The following GABRG3 variants were observed in gnomAD, a reference collection of about 807,000 sequenced individuals.
The protein encoded by GABRG3 is gamma-aminobutyric acid type A receptor subunit gamma3.
In GABRG3, 25 loss-of-function variants were observed where a neutral mutation model predicts 48.8. The observed-to-expected ratio is 0.51, with a 90% CI of 0.37 to 0.72. The LOEUF is 0.72. GABRG3 is among the 30% of genes least tolerant of loss of function. GABRG3 has a pLI of 0.00. For synonymous variants in GABRG3, 227 were observed against 217.6 expected (o/e 1.04, Z -0.38); for missense variants, 394 against 577.9 (o/e 0.68, Z 3.26).
chr15:27,003,402 A>C (rs1238595791), intron 2 of GABRG3, among the ~76,000 whole-genome samples: 1 of 151,142 alleles, frequency 6.6e-6, no homozygotes, highest in African/African-American at 2.4e-5. Flanking sequence ...TGGGTACTTG[A>C]GATTAGGGAG....
At chr15:27,389,492 G>C (rs1896156699) in intron 5 of GABRG3, among the ~76,000 whole-genome samples, 1 of 152,184 alleles carries the variant, frequency 6.6e-6, no homozygotes, top group Non-Finnish European at 1.5e-5. Flanking sequence ...GGTGAAATGG[G>C]TTATTTTGAT....
intron 5 of GABRG3, among the ~76,000 whole-genome samples, chr15:27,346,251 A>T (rs918033533): frequency 4.6e-5 from 7 of 151,978 alleles, no homozygotes; most frequent in Non-Finnish European, 1.0e-4. Flanking sequence ...TATTTCACTC[A>T]CTCTTCTTGC....
intron 5 of GABRG3, among the ~76,000 whole-genome samples, chr15:27,357,012 T>C (rs1045729271): frequency 6.6e-6 from 1 of 152,220 alleles, no homozygotes; most frequent in African/African-American, 2.4e-5. Context: ...ATTTTCATAA[T>C]AGAATGTCAT....
intron 5 of GABRG3, 53 bp from the exon 6 acceptor site, chr15:27,480,597 A>G (rs535880505): frequency 6.9e-7 from 1 of 1,454,870 alleles, no homozygotes; most frequent in Non-Finnish European, 9.4e-7. Flanking sequence ...TTTTCACTTT[A>G]ATGATTTATA....
chr15:27,207,659 G>C (rs1200734452), intron 3 of GABRG3, among the ~76,000 whole-genome samples: 1 of 152,200 alleles, frequency 6.6e-6, no homozygotes, highest in East Asian at 1.9e-4. Flanking sequence ...CACCAGGGGG[G>C]CACAGATGTG....
chr15:27,152,360 C>T (rs1898332722), intron 3 of GABRG3, among the ~76,000 whole-genome samples: 1 of 152,074 alleles, frequency 6.6e-6, no homozygotes, highest in Admixed American at 6.5e-5. Context: ...TCCACCAGTA[C>T]CAAAAGGTTT....
intron 3 of GABRG3, among the ~76,000 whole-genome samples, chr15:27,144,821 A>T (rs1330895043): frequency 1.3e-5 from 2 of 152,234 alleles, no homozygotes; most frequent in African/African-American, 4.8e-5. Context: ...GTGTATTCCC[A>T]AAAAGGACAC....
At chr15:27,512,183 A>G (rs1367551988) in intron 6 of GABRG3, among the ~76,000 whole-genome samples, 1 of 152,216 alleles carries the variant, frequency 6.6e-6, no homozygotes, top group Non-Finnish European at 1.5e-5. Context: ...CTGCAGAAGG[A>G]CAAATTAAGC....
intron 3 of GABRG3, among the ~76,000 whole-genome samples, chr15:27,253,148 C>T (rs549602450): frequency 2.6e-5 from 4 of 152,362 alleles, no homozygotes; most frequent in Middle Eastern, 6.8e-3. Context: ...GGACCCACTG[C>T]TGGAGTGTGT....
chr15:27,416,197 C>T (rs1327067697), intron 5 of GABRG3, among the ~76,000 whole-genome samples: 2 of 152,242 alleles, frequency 1.3e-5, no homozygotes, highest in African/African-American at 4.8e-5. Context: ...CAGGATGTAC[C>T]GGGTAAGAGA....
At chr15:26,997,575 C>T (rs936920409) in intron 2 of GABRG3, among the ~76,000 whole-genome samples, 6 of 152,184 alleles carry the variant, frequency 3.9e-5, no homozygotes, top group Non-Finnish European at 7.3e-5. Flanking sequence ...AAGGCAACTT[C>T]AGATGTATTT....
At chr15:27,030,411 T>C (rs1896062503) in intron 3 of GABRG3, among the ~76,000 whole-genome samples, 1 of 152,242 alleles carries the variant, frequency 6.6e-6, no homozygotes, top group East Asian at 1.9e-4. Flanking sequence ...ATCTATTGTT[T>C]AATAGATTAT....
chr15:27,224,846 T>C (rs1889562204), intron 3 of GABRG3, among the ~76,000 whole-genome samples: 1 of 152,342 alleles, frequency 6.6e-6, no homozygotes, highest in African/African-American at 2.4e-5. Context: ...AGCTCCTCTT[T>C]CATTCACAAG....
chr15:27,270,917 A>G (rs549802596), intron 3 of GABRG3, among the ~76,000 whole-genome samples: 1 of 152,356 alleles, frequency 6.6e-6, no homozygotes, highest in Non-Finnish European at 1.5e-5. Flanking sequence ...TTCACTATCC[A>G]GGACCAAACA....
intron 3 of GABRG3, among the ~76,000 whole-genome samples, chr15:27,302,267 G>A (rs1477420625): frequency 3.3e-5 from 5 of 151,964 alleles, no homozygotes; most frequent in African/African-American, 1.2e-4. Context: ...AGAGGGTAAC[G>A]GAATCTATAA....
intron 5 of GABRG3, among the ~76,000 whole-genome samples, chr15:27,452,996 T>C (rs1056172203): frequency 2.6e-5 from 4 of 152,132 alleles, no homozygotes; most frequent in African/African-American, 9.7e-5. Context: ...TGCAACAACA[T>C]GGGATGAACC....
chr15:27,115,801 A>G (rs574526750), intron 3 of GABRG3, among the ~76,000 whole-genome samples: 1 of 152,324 alleles, frequency 6.6e-6, no homozygotes, highest in South Asian at 2.1e-4. Flanking sequence ...CAAAATTTTC[A>G]ATTTTCAAAT....
intron 2 of GABRG3, among the ~76,000 whole-genome samples, chr15:26,979,958 C>A (rs534056373): frequency 6.6e-6 from 1 of 152,104 alleles, no homozygotes; most frequent in South Asian, 2.1e-4. Context: ...TCCAGTGATA[C>A]CCTCTGGGCC....
chr15:27,426,332 G>C (rs1382827983), intron 5 of GABRG3, among the ~76,000 whole-genome samples: 1 of 152,084 alleles, frequency 6.6e-6, no homozygotes, highest in Non-Finnish European at 1.5e-5. Flanking sequence ...ACACAAAAGG[G>C]CATGAAGGAA....
Sources: allele counts gnomAD v4.1 joint callset (sites outside exome capture counted in the v4.1 genomes callset), GRCh38; gene constraint gnomAD v4.1.1; transcripts MANE v1.5; gene names NCBI Gene and HGNC (gene_info 2026-07-23, HGNC 2026-07-21).